CREBBP: variants seen among roughly 807,000 people sequenced by gnomAD.
The protein encoded by CREBBP is CREB-binding protein.
CREBBP carries 19 observed loss-of-function variants against 265.0 expected under a neutral mutation model. The observed-to-expected ratio is 0.07, with a 90% CI of 0.05 to 0.11. The LOEUF (loss-of-function observed/expected upper bound fraction) is 0.11. Among genes scored for constraint, CREBBP ranks in the 10% least tolerant of loss-of-function variants. The pLI, the probability that CREBBP is intolerant of heterozygous loss-of-function variation, is 1.00. For missense variants in CREBBP, 2,525 were observed against 3,219.0 expected (o/e 0.78, Z 5.22); for synonymous variants, 1,457 against 1,223.7 (o/e 1.19, Z -3.98).
At chr16:3,778,887 C>T in intron 8 of CREBBP, 70 bp from the exon 9 acceptor site, 1 of 1,369,196 alleles carries the variant, frequency 7.3e-7, no homozygotes, top group East Asian at 2.4e-5. Flanking sequence ...GGGGTTTCGT[C>T]CAGGCGCGGT....
chr16:3,801,988 C>A (rs559365132), intron 3 of CREBBP, among the ~76,000 whole-genome samples: 8 of 152,054 alleles, frequency 5.3e-5, no homozygotes, highest in African/African-American at 1.7e-4. Flanking sequence ...CATCTTCACT[C>A]GGTTTAGCCA....
chr16:3,734,496 C>G (rs1325763479), intron 28 of CREBBP, among the ~76,000 whole-genome samples: 2 of 152,216 alleles, frequency 1.3e-5, no homozygotes, highest in African/African-American at 4.8e-5. Context: ...CAGGTGCCCC[C>G]TCCTGGGGTG....
At chr16:3,795,930 T>A (rs2053599223) in intron 3 of CREBBP, among the ~76,000 whole-genome samples, 1 of 152,232 alleles carries the variant, frequency 6.6e-6, no homozygotes, top group Non-Finnish European at 1.5e-5. Flanking sequence ...CTGAGTCATA[T>A]CCCAATTTCT....
At chr16:3,786,659 C>T (rs1007166450) in intron 5 of CREBBP, among the ~76,000 whole-genome samples, 31 of 152,080 alleles carry the variant, frequency 2.0e-4, no homozygotes, top group African/African-American at 7.0e-4. Context: ...TTGCGGGAGG[C>T]GAAACTTGTG....
intron 2 of CREBBP, among the ~76,000 whole-genome samples, chr16:3,845,462 A>G (rs2054647032): frequency 6.6e-6 from 1 of 152,232 alleles, no homozygotes; most frequent in Non-Finnish European, 1.5e-5. Context: ...CAAAAACAGC[A>G]TATCGTATCA....
Position 3,727,940 on chromosome 16 carries a change from G to C in CREBBP, c.7107C>G (p.Pro2369=), listed in dbSNP as rs780011691. 6 of 1,608,804 alleles carry C rather than the reference G, an allele frequency of 3.7e-6. No individual in the cohort carries two copies. In the East Asian group the frequency reaches 1.3e-4, roughly 36 times the overall value. Reference sequence around the variant, plus strand: ...GTGAGACGTGGTGTGGCGAAGGCTGGGGCTGTATCCGTGGTGACGGGCTGG... The same window carrying C: ...GTGAGACGTGGTGTGGCGAAGGCTGCGGCTGTATCCGTGGTGACGGGCTGG... ...PHSSPSPRIQ[P]QPSPHHVSPQ... is the part of the protein sequence containing the mutation. Residue 2369 remains proline (P), a synonymous_variant, in exon 31 of 31, where the codon CCC becomes CCG. Coordinates refer to ENST00000262367, the MANE Select transcript of CREBBP (RefSeq NM_004380.3).
At chr16:3,816,543 C>A (rs1318956494) in intron 2 of CREBBP, among the ~76,000 whole-genome samples, 2 of 152,152 alleles carry the variant, frequency 1.3e-5, no homozygotes, top group Non-Finnish European at 2.9e-5. Flanking sequence ...CCTAGCCCAT[C>A]CATTAAATCC....
rs2151301890 is a variant in CREBBP, at chr16:3,728,316, A to G, written c.6731T>C (p.Met2244Thr). The G allele has an allele frequency of 6.2e-7, 1 of 1,612,246 alleles. No individual in the cohort carries two copies. The highest frequency in any genetic ancestry group is 8.5e-7 in the Non-Finnish European group (1 of 1,179,594). Residue 2244 changes from methionine to threonine, a missense_variant, in exon 31 of 31, where the codon ATG (methionine) becomes ACG (threonine). By Grantham distance (81) the Met-to-Thr change is moderately conservative. Around this residue, in one of 19 missense-constraint regions of CREBBP, gnomAD observed 473 missense variants for 459.3 expected, o/e 1.03. Coordinates refer to ENST00000262367, the MANE Select transcript of CREBBP (RefSeq NM_004380.3). The surrounding 1 kb of genome is among the most constrained non-coding windows in gnomAD (Gnocchi z 8.7). ...PQGPGGYPPA[M>T]QQQQRMQQHL... ...CTGCTGCATGCGCTGCTGCTGCTGC[A>G]TGGCCGGTGGGTAGCCTCCGGGTCC...
At chr16:3,788,879 G>C (rs920202119) in intron 5 of CREBBP, among the ~76,000 whole-genome samples, 3 of 152,202 alleles carry the variant, frequency 2.0e-5, no homozygotes, top group African/African-American at 7.2e-5. Flanking sequence ...TTGAGCCCGA[G>C]AGGTTGAGGC....
chr16:3,756,562 T>C (rs866172377), intron 19 of CREBBP, among the ~76,000 whole-genome samples: 3 of 152,208 alleles, frequency 2.0e-5, no homozygotes, highest in Non-Finnish European at 4.4e-5. Flanking sequence ...AACCCTGAAA[T>C]GGCCATCTTA....
chr16:3,820,601 T>C (rs1211590014), intron 2 of CREBBP, among the ~76,000 whole-genome samples: 1 of 152,204 alleles, frequency 6.6e-6, no homozygotes, highest in Admixed American at 6.5e-5. Flanking sequence ...TCAAGAAGCA[T>C]TCCTTGTCTT....
intron 3 of CREBBP, among the ~76,000 whole-genome samples, chr16:3,810,147 G>A (rs1423720013): frequency 1.3e-5 from 2 of 152,130 alleles, no homozygotes; most frequent in East Asian, 3.9e-4. Context: ...ATGAAGACAC[G>A]TGGAATCATC....
At chr16:3,849,132 C>T (rs938870591) in intron 2 of CREBBP, among the ~76,000 whole-genome samples, 4 of 152,162 alleles carry the variant, frequency 2.6e-5, no homozygotes, top group Non-Finnish European at 4.4e-5. Flanking sequence ...TGCCTGAAGA[C>T]GTGCCTGGTG....
chr16:3,764,345 T>C (rs1207659607), intron 16 of CREBBP, among the ~76,000 whole-genome samples: 1 of 152,088 alleles, frequency 6.6e-6, no homozygotes, highest in Non-Finnish European at 1.5e-5. Flanking sequence ...GGCACAATCA[T>C]GGTTCACTAC....
intron 2 of CREBBP, among the ~76,000 whole-genome samples, chr16:3,822,008 T>C (rs535285901): frequency 1.3e-5 from 2 of 152,154 alleles, no homozygotes; most frequent in East Asian, 1.9e-4. Context: ...TGAGCCAAGA[T>C]TGCACCACTG....
At chr16:3,735,989 G>C in intron 28 of CREBBP, 47 bp downstream of exon 28, 1 of 1,614,080 alleles carries the variant, frequency 6.2e-7, no homozygotes, top group Non-Finnish European at 8.5e-7. Flanking sequence ...CCACCCTGCA[G>C]CTCCAGCGGG....
chr16:3,779,076 A>T (rs2053213452), intron 8 of CREBBP, among the ~76,000 whole-genome samples: 1 of 151,828 alleles, frequency 6.6e-6, no homozygotes, highest in South Asian at 2.1e-4. Flanking sequence ...CTGAGGCAAG[A>T]GAATTGCTTG....
rs2141183613 is a variant in CREBBP, at chr16:3,767,885, C to T, written c.3085G>A (p.Ala1029Thr). Residue 1029 changes from alanine to threonine, a missense_variant, in exon 16 of 31, where the codon GCT (alanine) becomes ACT (threonine). By Grantham distance (58) the Ala-to-Thr change is moderately conservative. Transcript: ENST00000262367. The stretch of plus-strand genomic sequence containing the variant: ...TCTGTTTCTTCTTTAACTTGGGAAG[C>T]TCCTTGCAAATCCTCCTCCATCATC... The part of the protein sequence containing the change: ...SEMMEEDLQG[A>T]SQVKEETDIA... The T allele has an allele frequency of 6.2e-7, 1 of 1,614,120 alleles. No individual in the cohort carries two copies.
intron 2 of CREBBP, among the ~76,000 whole-genome samples, chr16:3,826,761 T>C (rs1198482796): frequency 1.3e-5 from 2 of 152,064 alleles, no homozygotes; most frequent in Non-Finnish European, 2.9e-5. Flanking sequence ...CGATTAAAAG[T>C]AATGGGGTAT....
Sources: allele counts gnomAD v4.1 joint callset (sites outside exome capture counted in the v4.1 genomes callset), GRCh38; gene constraint gnomAD v4.1.1; regional missense constraint gnomAD v4.1.1; non-coding constraint Gnocchi (gnomAD v3.1); transcripts MANE v1.5; gene names NCBI Gene and HGNC (gene_info 2026-07-23, HGNC 2026-07-21).